FCHSD2: variants seen among roughly 807,000 people sequenced by gnomAD.
FCHSD2 encodes F-BAR and double SH3 domains protein 2.
Under a neutral mutation model 108.1 loss-of-function variants are expected in FCHSD2, and 38 were observed. The observed-to-expected ratio is 0.35, with a 90% CI of 0.27 to 0.46. The LOEUF (loss-of-function observed/expected upper bound fraction) is 0.46. Among genes scored for constraint, FCHSD2 ranks in the 20% least tolerant of loss-of-function variants. FCHSD2 has a pLI of 1.00. For missense variants in FCHSD2, 751 were observed against 897.8 expected (o/e 0.84, Z 2.09); for synonymous variants, 279 against 314.7 (o/e 0.89, Z 1.20).
chr11:73,043,608 G>C (rs2135466142), intron 3 of FCHSD2, among the ~76,000 whole-genome samples: 1 of 152,250 alleles, frequency 6.6e-6, no homozygotes, highest in African/African-American at 2.4e-5. Flanking sequence ...ATATGTCAGA[G>C]ATAGCTTGCT....
intron 3 of FCHSD2, among the ~76,000 whole-genome samples, chr11:73,064,141 A>G (rs1471934369): frequency 5.9e-5 from 9 of 152,158 alleles, no homozygotes; most frequent in Admixed American, 5.9e-4. Flanking sequence ...CTCACTCAAA[A>G]CCACACAACT....
At chr11:72,900,078 T>C (rs763878993) in intron 10 of FCHSD2, among the ~76,000 whole-genome samples, 27 of 152,208 alleles carry the variant, frequency 1.8e-4, no homozygotes, top group Admixed American at 3.3e-4. Context: ...AGTAGCTCAA[T>C]TTCTTCACTA....
intron 9 of FCHSD2, among the ~76,000 whole-genome samples, chr11:72,912,203 G>A (rs1011066181): frequency 6.6e-6 from 1 of 152,070 alleles, no homozygotes; most frequent in Non-Finnish European, 1.5e-5. Flanking sequence ...GGTAAAAGTG[G>A]GCATCCTTGT....
chr11:73,053,651 T>C (rs1858954614), intron 3 of FCHSD2, among the ~76,000 whole-genome samples: 1 of 152,228 alleles, frequency 6.6e-6, no homozygotes, highest in African/African-American at 2.4e-5. Flanking sequence ...ATCTATGTCA[T>C]ATTAAAATTG....
intron 9 of FCHSD2, among the ~76,000 whole-genome samples, chr11:72,909,326 C>T (rs1005024900): frequency 2.0e-5 from 3 of 152,202 alleles, no homozygotes; most frequent in African/African-American, 7.2e-5. Flanking sequence ...TGGAGTCTCG[C>T]TCACTCAATG....
chr11:72,883,693 C>T (rs568708635), intron 12 of FCHSD2, among the ~76,000 whole-genome samples: 4 of 152,164 alleles, frequency 2.6e-5, no homozygotes, highest in African/African-American at 7.2e-5. Context: ...GCACTCTGGG[C>T]GGCCAAGGCA....
At chr11:73,019,957 C>T (rs1565370891) in intron 3 of FCHSD2, among the ~76,000 whole-genome samples, 1 of 152,120 alleles carries the variant, frequency 6.6e-6, no homozygotes, top group Non-Finnish European at 1.5e-5. Flanking sequence ...AAGCCCACAG[C>T]ACTACTATCT....
At chr11:72,887,355 A>G in intron 12 of FCHSD2, 115 bp downstream of exon 12, 1 of 676,954 alleles carries the variant, frequency 1.5e-6, no homozygotes, top group South Asian at 1.8e-5. Context: ...ACGAATGAAG[A>G]CGGTGAATCA....
intron 2 of FCHSD2, among the ~76,000 whole-genome samples, chr11:73,137,197 GA>G (rs973268840): frequency 2.8e-5 from 4 of 145,396 alleles, no homozygotes; most frequent in Admixed American, 2.1e-4. Context: ...TATTGTCTTT[GA>G]AAAAAAAAAG....
intron 8 of FCHSD2, among the ~76,000 whole-genome samples, chr11:72,971,092 G>A (rs1856998788): frequency 6.6e-6 from 1 of 152,100 alleles, no homozygotes; most frequent in South Asian, 2.1e-4. Context: ...AGACTTGAAG[G>A]CAAACTAAAT....
chr11:72,880,449 T>TTA (rs1466567815), intron 12 of FCHSD2, among the ~76,000 whole-genome samples: 1 of 152,006 alleles, frequency 6.6e-6, no homozygotes, highest in African/African-American at 2.4e-5. Context: ...AATAATGTAC[T>TTA]TATAGCCAAC....
chr11:72,902,879 G>A (rs894175716), intron 9 of FCHSD2, among the ~76,000 whole-genome samples: 2 of 152,072 alleles, frequency 1.3e-5, no homozygotes, highest in African/African-American at 4.8e-5. Flanking sequence ...ATCAGATTTG[G>A]GGACTGGACA....
chr11:73,137,082 A>G (rs553504403), intron 2 of FCHSD2, among the ~76,000 whole-genome samples: 161 of 152,294 alleles, frequency 1.1e-3, no homozygotes, highest in African/African-American at 3.7e-3. Flanking sequence ...TTTTTAAAAA[A>G]TCATTCCACT....
intron 2 of FCHSD2, among the ~76,000 whole-genome samples, chr11:73,106,113 T>A (rs1860335686): frequency 6.6e-6 from 1 of 152,154 alleles, no homozygotes; most frequent in Non-Finnish European, 1.5e-5. Context: ...AAGTAAATAA[T>A]TAATTTTACA....
At chr11:72,920,002 C>CT (rs1330771656) in intron 9 of FCHSD2, among the ~76,000 whole-genome samples, 1 of 151,830 alleles carries the variant, frequency 6.6e-6, no homozygotes, top group African/African-American at 2.4e-5. Context: ...CAGAAAGACA[C>CT]TTTTTTAAAA....
intron 3 of FCHSD2, among the ~76,000 whole-genome samples, chr11:73,017,894 A>G (rs1219687324): frequency 3.9e-5 from 6 of 152,332 alleles, no homozygotes; most frequent in Non-Finnish European, 5.9e-5. Flanking sequence ...TCATTAAAGT[A>G]TAATAGCTAT....
intron 2 of FCHSD2, among the ~76,000 whole-genome samples, chr11:73,093,662 C>T (rs1011773056): frequency 1.3e-5 from 2 of 151,904 alleles, no homozygotes; most frequent in Admixed American, 6.5e-5. Context: ...AGTGCAATGA[C>T]GCGGTCTTGG....
intron 2 of FCHSD2, among the ~76,000 whole-genome samples, chr11:73,121,807 G>T (rs1237166299): frequency 1.3e-5 from 2 of 152,138 alleles, no homozygotes; most frequent in Non-Finnish European, 2.9e-5. Flanking sequence ...TTAAAACATG[G>T]ATTGCTGGGC....
At chr11:72,979,163 T>G (rs1857167134) in intron 8 of FCHSD2, among the ~76,000 whole-genome samples, 1 of 152,080 alleles carries the variant, frequency 6.6e-6, no homozygotes, top group Admixed American at 6.6e-5. Flanking sequence ...CGGCCACAGG[T>G]AGTTCTTTAA....
Sources: gnomAD v4.1 joint callset for allele counts (sites outside exome capture counted in the v4.1 genomes callset) on GRCh38, gnomAD v4.1.1 for gene constraint, MANE v1.5 for transcripts, NCBI Gene and HGNC (gene_info 2026-07-23, HGNC 2026-07-21) for gene names.